Variants in XPO1 observed in about 807,000 individuals in gnomAD.
The protein encoded by XPO1 is exportin 1.
Under a neutral mutation model 133.3 loss-of-function variants are expected in XPO1, and 5 were observed. The observed-to-expected ratio is 0.04, with a 90% CI of 0.02 to 0.08. The LOEUF (loss-of-function observed/expected upper bound fraction) is 0.08, where lower values mean the gene tolerates loss of function less well. XPO1 is among the 10% of genes least tolerant of loss of function. The pLI, the probability that XPO1 is intolerant of heterozygous loss-of-function variation, is 1.00. For missense variants in XPO1, 506 were observed against 1,267.5 expected (o/e 0.40, Z 9.12); for synonymous variants, 419 against 408.2 (o/e 1.03, Z -0.32).
intron 3 of XPO1, chr2:61,526,197 CA>C (rs1459053327): frequency 5.3e-6 from 7 of 1,327,154 alleles, no homozygotes; most frequent in Admixed American, 3.8e-5. Context: ...ATCAGACAAC[CA>C]AAAAAGCCAC....
At chr2:61,519,461 G>A (rs1417673912) in intron 4 of XPO1, among the ~76,000 whole-genome samples, 1 of 151,724 alleles carries the variant, frequency 6.6e-6, no homozygotes, top group Non-Finnish European at 1.5e-5. Flanking sequence ...AGGCATGGAG[G>A]CCGAGGCGGG....
intron 4 of XPO1, among the ~76,000 whole-genome samples, chr2:61,512,993 T>C (rs1215473512): frequency 6.6e-6 from 1 of 152,132 alleles, no homozygotes; most frequent in African/African-American, 2.4e-5. Flanking sequence ...AGCATGACTC[T>C]GTCTCAAATA....
At chr2:61,497,650 G>A (rs1373481076) in intron 9 of XPO1, among the ~76,000 whole-genome samples, 1 of 152,076 alleles carries the variant, frequency 6.6e-6, no homozygotes, top group African/African-American at 2.4e-5. Flanking sequence ...TTAGAATTTT[G>A]GGAAATGGTC....
intron 9 of XPO1, 29 bp downstream of exon 9, chr2:61,498,644 G>C (rs372027670): frequency 3.1e-6 from 5 of 1,609,888 alleles, no homozygotes; most frequent in Non-Finnish European, 8.5e-7. Flanking sequence ...GCTATCCGGT[G>C]ACAAATAACT....
chr2:61,535,562 C>G (rs1699322733), intron 1 of XPO1, among the ~76,000 whole-genome samples: 1 of 152,130 alleles, frequency 6.6e-6, no homozygotes, highest in Non-Finnish European at 1.5e-5. Context: ...ACAATAATGG[C>G]AGCAAATTCT....
At chr2:61,479,857 C>G (rs1696249669) in intron 24 of XPO1, among the ~76,000 whole-genome samples, 1 of 152,040 alleles carries the variant, frequency 6.6e-6, no homozygotes, top group Non-Finnish European at 1.5e-5. Context: ...GCCACTGCAC[C>G]CAGACACTTT....
chr2:61,483,359 C>T, intron 21 of XPO1: 1 of 332,080 alleles, frequency 3.0e-6, no homozygotes, highest in Non-Finnish European at 5.5e-6. Context: ...ACTTTGGGGA[C>T]TTGTGGGGAA....
intron 3 of XPO1, chr2:61,526,138 A>G (rs1698896794): frequency 8.5e-7 from 1 of 1,174,188 alleles, no homozygotes; most frequent in African/African-American, 1.6e-5. Context: ...AACATTCAGA[A>G]TTTATGCTAC....
chr2:61,496,869 A>T lies in XPO1; in HGVS notation c.888+10T>A. The T allele has an allele frequency of 6.3e-7, 1 of 1,576,758 alleles. No individual in the cohort carries two copies. Among genetic ancestry groups the T allele is most frequent in the African/African-American group, 1.4e-5 (1 of 73,064 alleles). Reference sequence around the variant, plus strand: ...TTATTCAGCCAATTTTCAAGATAGTATTATATTACCTGCTTTAGTTGCATC... The same window carrying T: ...TTATTCAGCCAATTTTCAAGATAGTTTTATATTACCTGCTTTAGTTGCATC... On this transcript the variant is annotated intron_variant, in intron 10 of 24. Transcript: ENST00000401558.
intron 10 of XPO1, among the ~76,000 whole-genome samples, chr2:61,496,134 G>T (rs979170023): frequency 1.3e-5 from 2 of 152,074 alleles, no homozygotes; most frequent in African/African-American, 4.8e-5. Flanking sequence ...AATTTTTCTA[G>T]TATTTCTCAC....
chr2:61,477,855 A>T lies in XPO1; in HGVS notation c.*965T>A. On this transcript the variant is annotated 3_prime_UTR_variant, in exon 25 of 25. Coordinates refer to ENST00000401558, the MANE Select transcript of XPO1 (RefSeq NM_003400.4). ...TTTGTAAATCAAGGGGTCCAACTTC[A>T]TTTAAAATGTTACTTGATGCTTAAA... 5.1e-6 allele frequency: 1 copy of T among 194,484 alleles called. No individual in the cohort carries two copies. Among genetic ancestry groups the T allele is most frequent in the African/African-American group, 2.3e-5 (1 of 43,280 alleles). The allele number at this position is 194,484 out of a possible 1,614,324, so 12.0% of individuals were successfully genotyped here.
intron 2 of XPO1, among the ~76,000 whole-genome samples, chr2:61,531,110 A>C (rs1236733629): frequency 6.6e-6 from 1 of 151,996 alleles, no homozygotes; most frequent in Non-Finnish European, 1.5e-5. Flanking sequence ...TGCTACTACT[A>C]CTCCTTTTCC....
At chr2:61,490,610 G>C in intron 17 of XPO1, 32 bp downstream of exon 17, 1 of 1,613,428 alleles carries the variant, frequency 6.2e-7, no homozygotes, top group South Asian at 1.1e-5. Context: ...TAAATCCCAT[G>C]AAAACTTTTA....
chr2:61,521,287 T>C (rs961965888), intron 4 of XPO1, among the ~76,000 whole-genome samples: 2 of 152,294 alleles, frequency 1.3e-5, no homozygotes, highest in Admixed American at 1.3e-4. Context: ...AGTAAATCCA[T>C]GTCACTATTC....
intron 4 of XPO1, among the ~76,000 whole-genome samples, chr2:61,518,490 G>A (rs1462946092): frequency 2.0e-5 from 3 of 149,344 alleles, no homozygotes; most frequent in East Asian, 4.0e-4. Flanking sequence ...GGTGGCAGGC[G>A]CCTGCAGTCC....
chr2:61,495,933 T>G (rs148870981), intron 10 of XPO1, among the ~76,000 whole-genome samples: 107 of 152,176 alleles, frequency 7.0e-4, no homozygotes, highest in African/African-American at 2.4e-3. Flanking sequence ...CCTCCCAAAG[T>G]GCTGGGATTA....
At chr2:61,482,667 G>GC in intron 22 of XPO1, 128 bp from the exon 23 acceptor site, 1 of 941,668 alleles carries the variant, frequency 1.1e-6, no homozygotes, top group Non-Finnish European at 1.5e-6. Context: ...ATGCCGTGGC[G>GC]CAATCTTAGT....
intron 2 of XPO1, among the ~76,000 whole-genome samples, chr2:61,533,411 T>C (rs1699242156): frequency 6.6e-6 from 1 of 152,192 alleles, no homozygotes; most frequent in South Asian, 2.1e-4. Flanking sequence ...CCTGTTTTTA[T>C]TTAAACAAAC....
At chr2:61,537,021 C>G (rs1270755594) in intron 1 of XPO1, 1 of 152,168 alleles carries the variant, frequency 6.6e-6, no homozygotes, top group Non-Finnish European at 1.5e-5. Context: ...TTTCCTACTT[C>G]ACATGCCACT....
Sources: gnomAD v4.1 joint callset for allele counts (sites outside exome capture counted in the v4.1 genomes callset) on GRCh38, gnomAD v4.1.1 for gene constraint, MANE v1.5 for transcripts, NCBI Gene and HGNC (gene_info 2026-07-23, HGNC 2026-07-21) for gene names.